The following LPP variants were observed in gnomAD, a reference collection of about 807,000 sequenced individuals.
LPP encodes the protein lipoma-preferred partner.
Under a neutral mutation model 60.4 loss-of-function variants are expected in LPP, and 38 were observed. The observed-to-expected ratio is 0.63, with a 90% CI of 0.49 to 0.83. The LOEUF (loss-of-function observed/expected upper bound fraction) is 0.83. Ranked by LOEUF, LPP falls within the 40% of genes least tolerant of loss-of-function variation. LPP has a pLI of 0.00. For missense variants in LPP, 902 were observed against 783.6 expected (o/e 1.15, Z -1.80); for synonymous variants, 328 against 290.8 (o/e 1.13, Z -1.30).
intron 6 of LPP, among the ~76,000 whole-genome samples, chr3:188,543,482 G>A (rs1825749278): frequency 6.6e-6 from 1 of 152,110 alleles, no homozygotes; most frequent in Non-Finnish European, 1.5e-5. Flanking sequence ...GTATCTGAAG[G>A]TTCAACGGGA....
intron 2 of LPP, among the ~76,000 whole-genome samples, chr3:188,270,286 C>T (rs1034447414): frequency 6.6e-6 from 1 of 151,864 alleles, no homozygotes; most frequent in Non-Finnish European, 1.5e-5. Flanking sequence ...CCCAAACACA[C>T]AGACGTGTGT....
In LPP at chr3:188,758,690, C is replaced by T. The variant is rs187152832; in HGVS notation, c.1241-1423C>T. On this transcript the variant is annotated intron_variant, in intron 8 of 11. Transcript: ENST00000617246. ...TCCAATGTGATGGAGTGCTGAAAGC[C>T]GTCTTCAGTGAGAAGTCTCTCCATA... is the stretch of plus-strand genomic sequence containing the variant. 9 of 152,208 alleles carry T rather than the reference C, an allele frequency of 5.9e-5. No individual in the cohort carries two copies. The East Asian group carries it at 1.7e-3, about 29-fold the overall frequency. The allele number at this position is 152,208 out of a possible 1,614,324, so 9.4% of individuals were successfully genotyped here. A position where few individuals can be genotyped will look rare whatever the true frequency, so the allele number is the denominator to read the frequency against.
intron 4 of LPP, among the ~76,000 whole-genome samples, chr3:188,409,490 CT>C (rs1201977127): frequency 6.6e-6 from 1 of 152,182 alleles, no homozygotes; most frequent in African/African-American, 2.4e-5. Context: ...CATTCTGTTA[CT>C]CTGAACATTT....
intron 10 of LPP, among the ~76,000 whole-genome samples, chr3:188,872,299 G>C (rs1768315479): frequency 6.6e-6 from 1 of 152,124 alleles, no homozygotes; most frequent in African/African-American, 2.4e-5. Flanking sequence ...ATAGGGGCTG[G>C]ACAGGACTTT....
At chr3:188,517,825 A>T (rs1817807724) in intron 5 of LPP, among the ~76,000 whole-genome samples, 1 of 152,124 alleles carries the variant, frequency 6.6e-6, no homozygotes, top group Non-Finnish European at 1.5e-5. Flanking sequence ...ATGGGGAGTT[A>T]TGGGAGTACA....
Position 188,592,570 on chromosome 3 carries a change from A to G in LPP, c.430-16591A>G, listed in dbSNP as rs1839121294. Among the ~76,000 whole-genome samples, 3 of 36,808 alleles carry G rather than the reference A, an allele frequency of 8.2e-5. 1 individual carries two copies. The highest frequency in any genetic ancestry group is 2.0e-4 in the Non-Finnish European group (3 of 14,818). 24.1% of individuals were successfully genotyped at this position (36,808 alleles called of 152,430 possible). A position where few individuals can be genotyped will look rare whatever the true frequency, so the allele number is the denominator to read the frequency against. ...AGTTTTGTTTTTGTTTTTTAAATGG[A>G]GTCTCACTCTTTCTCCCAGGCTGGA... On this transcript the variant is annotated intron_variant, in intron 6 of 11. Transcript: ENST00000617246.
intron 6 of LPP, among the ~76,000 whole-genome samples, chr3:188,533,574 T>C (rs1468590107): frequency 2.6e-5 from 4 of 152,264 alleles, no homozygotes; most frequent in Non-Finnish European, 5.9e-5. Flanking sequence ...TGCTTAATAA[T>C]AACTTTCTTT....
At chr3:188,646,232 T>A (rs1199722544) in intron 7 of LPP, among the ~76,000 whole-genome samples, 1 of 152,178 alleles carries the variant, frequency 6.6e-6, no homozygotes, top group Admixed American at 6.5e-5. Flanking sequence ...TCTTTTTCCT[T>A]CAGGATTTAT....
chr3:188,252,390 A>C (rs1179870963), intron 2 of LPP, among the ~76,000 whole-genome samples: 4 of 141,828 alleles, frequency 2.8e-5, no homozygotes, highest in African/African-American at 1.1e-4. Flanking sequence ...CTGCTCAACC[A>C]ATTTCCTATG....
chr3:188,836,861 T>C (rs762944050), intron 9 of LPP, among the ~76,000 whole-genome samples: 31 of 152,200 alleles, frequency 2.0e-4, no homozygotes, highest in Non-Finnish European at 2.2e-4. Context: ...AACTTTGTGT[T>C]CATGTGGCAT....
chr3:188,828,614 C>CAAAAAA lies in LPP; in HGVS notation c.1411-37565_1411-37560dup, dbSNP rs71169022. Among the ~76,000 whole-genome samples, 257 of 31,330 alleles carry CAAAAAA rather than the reference C, an allele frequency of 8.2e-3. 52 individuals are homozygous for CAAAAAA. The highest frequency in any genetic ancestry group is 0.011 in the African/African-American group (83 of 7,228). The allele number at this position is 31,330 out of a possible 152,430, so 20.6% of individuals were successfully genotyped here. ...TGGCAACAAGAGCGAAACTCTGTCT[C>CAAAAAA]AAAAAAAAAAAAAAAAAAAAAAAAA... On this transcript the variant is annotated intron_variant, in intron 9 of 11. Coordinates refer to ENST00000617246, the MANE Select transcript of LPP (RefSeq NM_001375462.1).
chr3:188,356,515 T>C (rs1364464468), intron 3 of LPP, among the ~76,000 whole-genome samples: 3 of 152,176 alleles, frequency 2.0e-5, no homozygotes, highest in Admixed American at 2.0e-4. Flanking sequence ...TATTCGCTTG[T>C]TAAAATTTAG....
chr3:188,791,712 GTCTCAGCTGATT>G (rs1743826755), intron 9 of LPP, among the ~76,000 whole-genome samples: 1 of 152,070 alleles, frequency 6.6e-6, no homozygotes, highest in Non-Finnish European at 1.5e-5. Flanking sequence ...CATCCTTCAG[GTCTCAGCTGATT>G]TTTCACTTCT....
intron 2 of LPP, among the ~76,000 whole-genome samples, chr3:188,267,834 C>T (rs752135243): frequency 5.3e-5 from 8 of 152,096 alleles, no homozygotes; most frequent in Non-Finnish European, 1.0e-4. Context: ...ATGTCAGCCC[C>T]AGGACCCCCC....
intron 9 of LPP, among the ~76,000 whole-genome samples, chr3:188,830,232 T>C (rs926132470): frequency 2.0e-5 from 3 of 149,762 alleles, no homozygotes; most frequent in Non-Finnish European, 4.4e-5. Context: ...ACATTGATTG[T>C]AAAGAATATA....
chr3:188,612,610 C>T (rs1843958649), intron 7 of LPP, among the ~76,000 whole-genome samples: 1 of 152,140 alleles, frequency 6.6e-6, no homozygotes, highest in South Asian at 2.1e-4. Context: ...TTTCCAAAGG[C>T]TGAATAATTG....
At chr3:188,795,937 G>A (rs753716568) in intron 9 of LPP, among the ~76,000 whole-genome samples, 5 of 152,042 alleles carry the variant, frequency 3.3e-5, no homozygotes, top group Non-Finnish European at 7.4e-5. Context: ...CCTCCTTGTT[G>A]ACAGTTGGTG....
At chr3:188,199,203 A>G (rs1730350450) in intron 1 of LPP, among the ~76,000 whole-genome samples, 1 of 152,168 alleles carries the variant, frequency 6.6e-6, no homozygotes, top group African/African-American at 2.4e-5. Flanking sequence ...AAGCCTTGAG[A>G]GGAAGGGAGA....
At chr3:188,694,707 A>T (rs141478607) in intron 7 of LPP, among the ~76,000 whole-genome samples, 3,934 of 150,870 alleles carry the variant, frequency 0.026, 144 homozygotes, top group African/African-American at 0.086. Flanking sequence ...CAAAAAAAAA[A>T]AAATAAATAA....
Sources: allele counts gnomAD v4.1 joint callset (sites outside exome capture counted in the v4.1 genomes callset), GRCh38; gene constraint gnomAD v4.1.1; transcripts MANE v1.5; gene names NCBI Gene and HGNC (gene_info 2026-07-23, HGNC 2026-07-21).